The following ATP2B3 variants were observed in gnomAD, a reference collection of about 807,000 sequenced individuals.
ATP2B3 encodes plasma membrane calcium-transporting ATPase 3.
A neutral mutation model predicts 70.8 loss-of-function variants in ATP2B3; 12 were observed. The ratio of observed to expected loss-of-function variants is 0.17; its 90% confidence interval spans 0.11 to 0.27. The LOEUF is 0.27. ATP2B3 is among the 10% of genes least tolerant of loss of function. ATP2B3 has a pLI of 1.00. For synonymous variants in ATP2B3, 460 were observed against 497.8 expected (o/e 0.92, Z 1.01); for missense variants, 858 against 1,118.5 (o/e 0.77, Z 3.32).
chrX:153,569,127 C>A, intron 21 of ATP2B3: 1 of 332,987 alleles, frequency 3.0e-6, no homozygotes, highest in Non-Finnish European at 5.9e-6. Flanking sequence ...CCTGCCCAGT[C>A]ACTCAGATGA....
chrX:153,569,309 G>A, intron 21 of ATP2B3: 1 of 540,208 alleles, frequency 1.9e-6, no homozygotes, highest in Non-Finnish European at 3.4e-6. Context: ...TGGCTTGCAA[G>A]GGGCATTTCT....
At chrX:153,570,014 T>C in intron 21 of ATP2B3, 1 of 409,530 alleles carries the variant, frequency 2.4e-6, no homozygotes, top group Non-Finnish European at 4.2e-6. Flanking sequence ...TTGTGTTTAG[T>C]GCTCCTTGTG....
chrX:153,523,143 T>C (rs2089981683), intron 2 of ATP2B3, among the ~76,000 whole-genome samples: 1 of 111,904 alleles, frequency 8.9e-6, no homozygotes, highest in Admixed American at 9.5e-5. Flanking sequence ...CCTAAATGAA[T>C]GGTTTTTTTC....
chrX:153,549,854 T>G, intron 11 of ATP2B3, 115 bp downstream of exon 11: 1 of 1,070,230 alleles, frequency 9.3e-7, no homozygotes, highest in Non-Finnish European at 1.2e-6. Flanking sequence ...CTTGAGAACT[T>G]TTGCCCATCC....
chrX:153,540,686 G>A (rs957792975), intron 3 of ATP2B3, among the ~76,000 whole-genome samples: 1 of 112,529 alleles, frequency 8.9e-6, no homozygotes, highest in Non-Finnish European at 1.9e-5. Context: ...CTTTGGGACC[G>A]GCTGGCCCCA....
chrX:153,577,871 C>T (rs12844067), intron 21 of ATP2B3, among the ~76,000 whole-genome samples: 5,973 of 111,275 alleles, frequency 0.054, 169 homozygotes, highest in Non-Finnish European at 0.08. Flanking sequence ...CAGCCCGCCT[C>T]GGCCTCCCAA....
chrX:153,567,866 T>C (rs2090733038), intron 21 of ATP2B3, among the ~76,000 whole-genome samples: 1 of 112,776 alleles, frequency 8.9e-6, no homozygotes, highest in African/African-American at 3.2e-5. Flanking sequence ...TTCTCAGGAA[T>C]GCTGAACCAG....
In ATP2B3 at chrX:153,582,527, T is replaced by C. The variant is rs1367956930; in HGVS notation, c.*2229T>C. On this transcript the variant is annotated 3_prime_UTR_variant, in exon 22 of 22. Transcript: ENST00000263519. Reference sequence around the variant, plus strand: ...CGATAGGACCAATGGCCAATAGATATTAAAAGCAAACCCTCACTGCTGCTG... The same window carrying C: ...CGATAGGACCAATGGCCAATAGATACTAAAAGCAAACCCTCACTGCTGCTG... 1 of 112,764 alleles carries C rather than the reference T, an allele frequency of 8.9e-6. No individual in the cohort carries two copies. Among genetic ancestry groups the C allele is most frequent in the East Asian group, 2.8e-4 (1 of 3,595 alleles). 9.3% of individuals were successfully genotyped at this position (112,764 alleles called of 1,213,427 possible).
chrX:153,569,737 T>G, intron 21 of ATP2B3: 1 of 1,211,314 alleles, frequency 8.3e-7, no homozygotes, highest in Non-Finnish European at 1.1e-6. Context: ...CTGCTGCCAA[T>G]CCTACCAGTG....
chrX:153,560,919 C>T (rs781978200), intron 19 of ATP2B3, 32 bp downstream of exon 19: 2 of 1,202,775 alleles, frequency 1.7e-6, no homozygotes, highest in Non-Finnish European at 2.2e-6. Flanking sequence ...TTGGCCTCTG[C>T]CACTTGCAAA....
At chrX:153,549,286 G>A (rs1311709685) in intron 10 of ATP2B3, among the ~76,000 whole-genome samples, 3 of 109,363 alleles carry the variant, frequency 2.7e-5, no homozygotes, top group Non-Finnish European at 3.8e-5. Flanking sequence ...GGGAGGTCCC[G>A]GGTGCGCATC....
chrX:153,553,867 C>T (rs1326356597), intron 13 of ATP2B3, among the ~76,000 whole-genome samples: 2 of 112,968 alleles, frequency 1.8e-5, no homozygotes, highest in African/African-American at 6.4e-5. Context: ...TGGCCGGCCC[C>T]GGAGGGAGAA....
At chrX:153,525,735 G>A (rs782770258) in intron 2 of ATP2B3, among the ~76,000 whole-genome samples, 3 of 112,639 alleles carry the variant, frequency 2.7e-5, no homozygotes, top group South Asian at 3.6e-4. Context: ...GGCTGTGGAC[G>A]GGTAGGGCAC....
At chrX:153,526,388 T>C (rs1379925963) in intron 2 of ATP2B3, among the ~76,000 whole-genome samples, 3 of 111,115 alleles carry the variant, frequency 2.7e-5, no homozygotes, top group Non-Finnish European at 5.7e-5. Context: ...TGGTGTTGGG[T>C]CCCGGCCTGA....
intron 7 of ATP2B3, among the ~76,000 whole-genome samples, chrX:153,545,532 G>T (rs782266836): frequency 8.9e-6 from 1 of 112,774 alleles, no homozygotes; most frequent in Non-Finnish European, 1.9e-5. Flanking sequence ...TTAACTGGGC[G>T]TGGTGGTGTA....
intron 2 of ATP2B3, among the ~76,000 whole-genome samples, chrX:153,526,156 C>T (rs1427743971): frequency 8.9e-6 from 1 of 112,754 alleles, no homozygotes; most frequent in Non-Finnish European, 1.9e-5. Flanking sequence ...GAGCAGAAAT[C>T]CACCCCTTCA....
In ATP2B3 at chrX:153,569,871, G is replaced by A; in HGVS notation, c.3342+4768G>A. The A allele has an allele frequency of 5.6e-6, 5 of 890,232 alleles. No homozygotes were observed. In the South Asian group the frequency reaches 9.4e-5, roughly 17 times the overall value. 73.4% of individuals were successfully genotyped at this position (890,232 alleles called of 1,213,427 possible). On this transcript the variant is annotated intron_variant, in intron 21 of 21. Transcript: ENST00000263519. Reference sequence around the variant, plus strand: ...GCATTCCGCTCACCGTGGCTTTTCTGTTCTTTCTTTACCGCCCTGTCCAGT... The same window carrying A: ...GCATTCCGCTCACCGTGGCTTTTCTATTCTTTCTTTACCGCCCTGTCCAGT...
At chrX:153,566,332 G>A (rs782366723) in intron 21 of ATP2B3, among the ~76,000 whole-genome samples, 23 of 112,934 alleles carry the variant, frequency 2.0e-4, no homozygotes, top group African/African-American at 5.8e-4. Context: ...ACTTGGCTGC[G>A]GAGCCAGGGC....
intron 21 of ATP2B3, chrX:153,569,892 C>T: frequency 1.5e-6 from 1 of 689,197 alleles, no homozygotes; most frequent in Non-Finnish European, 2.2e-6. Flanking sequence ...ACCGCCCTGT[C>T]CAGTCCTTCC....
Sources: gnomAD v4.1 joint callset for allele counts (sites outside exome capture counted in the v4.1 genomes callset) on GRCh38, gnomAD v4.1.1 for gene constraint, MANE v1.5 for transcripts, NCBI Gene and HGNC (gene_info 2026-07-23, HGNC 2026-07-21) for gene names.